Variants in PRKN observed in about 807,000 individuals in gnomAD.
PRKN encodes E3 ubiquitin-protein ligase parkin.
Under a neutral mutation model 59.5 loss-of-function variants are expected in PRKN, and 56 were observed. The observed-to-expected ratio is 0.94, with a 90% CI of 0.76 to 1.18. The LOEUF is 1.18. Among genes scored for constraint, PRKN ranks in the 50% most tolerant of loss-of-function variants. The probability of loss-of-function intolerance (pLI) is 0.00; values close to 1 mark genes in which losing one functional copy is unlikely to be tolerated. For missense variants in PRKN, 657 were observed against 596.4 expected (o/e 1.10, Z -1.06); for synonymous variants, 250 against 222.1 (o/e 1.13, Z -1.12).
chr6:161,950,332 G>A (rs1216988251), intron 6 of PRKN, among the ~76,000 whole-genome samples: 1 of 152,084 alleles, frequency 6.6e-6, no homozygotes, highest in Non-Finnish European at 1.5e-5. Context: ...ATCTCCTGAG[G>A]TCAGGAGTTC....
At chr6:161,814,365 C>A (rs569722575) in intron 6 of PRKN, among the ~76,000 whole-genome samples, 1 of 152,292 alleles carries the variant, frequency 6.6e-6, no homozygotes, top group Admixed American at 6.5e-5. Flanking sequence ...ACAGTGTATT[C>A]GTCCATTCTC....
At chr6:161,646,407 C>T (rs1582941088) in intron 7 of PRKN, among the ~76,000 whole-genome samples, 1 of 107,416 alleles carries the variant, frequency 9.3e-6, no homozygotes, top group African/African-American at 3.5e-5. Flanking sequence ...GAGGAGGTGG[C>T]GTATCAGTGA....
At chr6:162,041,883 C>T (rs1398215305) in intron 5 of PRKN, among the ~76,000 whole-genome samples, 3 of 152,100 alleles carry the variant, frequency 2.0e-5, no homozygotes, top group African/African-American at 4.8e-5. Flanking sequence ...TAGTCCCGTA[C>T]GTGTGGCTGA....
At chr6:162,336,082 T>C (rs9346911) in intron 2 of PRKN, among the ~76,000 whole-genome samples, 24,837 of 151,912 alleles carry the variant, frequency 0.16, 2,240 homozygotes, top group African/African-American at 0.22. Context: ...AATGGAATAG[T>C]TGGGCTCCAT....
intron 1 of PRKN, among the ~76,000 whole-genome samples, chr6:162,706,444 T>C (rs953444465): frequency 1.3e-5 from 2 of 152,248 alleles, no homozygotes; most frequent in African/African-American, 2.4e-5. Context: ...CTTCATCTGC[T>C]ATTTTAGCCT....
intron 1 of PRKN, among the ~76,000 whole-genome samples, chr6:162,596,962 G>A (rs1395446716): frequency 1.3e-5 from 2 of 152,092 alleles, no homozygotes; most frequent in South Asian, 2.1e-4. Flanking sequence ...TACTAGTTCC[G>A]GGTTTCAGAC....
At chr6:162,427,803 G>A (rs748967737) in intron 2 of PRKN, among the ~76,000 whole-genome samples, 9 of 151,958 alleles carry the variant, frequency 5.9e-5, no homozygotes, top group Admixed American at 5.9e-4. Context: ...CCCAGACCAC[G>A]CCCAGCTAAT....
Position 161,518,225 on chromosome 6 carries a change from G to A in PRKN, c.1083+30629C>T, listed in dbSNP as rs1351225805. On this transcript the variant is annotated intron_variant, in intron 9 of 11. Coordinates refer to ENST00000366898, the MANE Select transcript of PRKN (RefSeq NM_004562.3). This position sits in a 1 kb window ranked among gnomAD's most constrained non-coding sequence, Gnocchi z 5.0. ...AGGTGGCAACATAGGTGCATGAGAGGGGGACTGCCCCCACCCTGCATATCT... is the reference window on the plus strand; with the variant it reads ...AGGTGGCAACATAGGTGCATGAGAGAGGGACTGCCCCCACCCTGCATATCT... 6.6e-6 allele frequency among the ~76,000 whole-genome samples: 1 copy of A among 152,222 alleles called. No individual in the cohort carries two copies. Among genetic ancestry groups the A allele is most frequent in the African/African-American group, 2.4e-5 (1 of 41,462 alleles).
At chr6:162,448,196 C>A (rs538266070) in intron 1 of PRKN, among the ~76,000 whole-genome samples, 2 of 152,038 alleles carry the variant, frequency 1.3e-5, no homozygotes, top group Non-Finnish European at 2.9e-5. Flanking sequence ...CGGTTAATTG[C>A]GGCAACACAA....
intron 6 of PRKN, among the ~76,000 whole-genome samples, chr6:161,963,455 C>G (rs1038240266): frequency 1.3e-5 from 2 of 152,232 alleles, no homozygotes; most frequent in African/African-American, 4.8e-5. Flanking sequence ...AGGTCACTGG[C>G]TGACATTAAA....
chr6:161,780,787 A>AGC (rs1170423952), intron 7 of PRKN, among the ~76,000 whole-genome samples: 2 of 152,232 alleles, frequency 1.3e-5, no homozygotes, highest in African/African-American at 2.4e-5. Flanking sequence ...CAAGACATTT[A>AGC]AAAACTAAGC....
At chr6:161,630,142 T>C (rs1299009664) in intron 7 of PRKN, among the ~76,000 whole-genome samples, 1 of 152,186 alleles carries the variant, frequency 6.6e-6, no homozygotes, top group African/African-American at 2.4e-5. Flanking sequence ...TTTTACTGTG[T>C]ACTAGAGTAA....
intron 8 of PRKN, among the ~76,000 whole-genome samples, chr6:161,557,312 C>T (rs992024993): frequency 6.6e-6 from 1 of 152,058 alleles, no homozygotes; most frequent in Non-Finnish European, 1.5e-5. Flanking sequence ...TCAATAAACT[C>T]GTATTTTAAG....
chr6:162,258,083 G>A (rs997382467), intron 3 of PRKN, among the ~76,000 whole-genome samples: 4 of 152,122 alleles, frequency 2.6e-5, no homozygotes, highest in African/African-American at 9.7e-5. Flanking sequence ...GCACACAAAT[G>A]GATGCTCCCT....
intron 3 of PRKN, among the ~76,000 whole-genome samples, chr6:162,204,691 T>C (rs1435509614): frequency 2.7e-5 from 4 of 148,794 alleles, no homozygotes; most frequent in African/African-American, 9.8e-5. Flanking sequence ...AAATAAAGTA[T>C]GTTAATTTTA....
In PRKN at chr6:161,363,642, C is replaced by CA. The variant is rs1412177222; in HGVS notation, c.1168-3438dup. Among the ~76,000 whole-genome samples the CA allele has an allele frequency of 2.6e-5, 4 of 151,950 alleles. No homozygotes were observed. The highest frequency in any genetic ancestry group is 1.9e-4 in the East Asian group (1 of 5,172). ...GAGAAACAGTGTTTGGAGAGAGTGGCAAAAAAACACACAAATTATCTACAA... is the reference window on the plus strand; with the variant it reads ...GAGAAACAGTGTTTGGAGAGAGTGGCAAAAAAAACACACAAATTATCTACAA... On this transcript the variant is annotated intron_variant, in intron 10 of 11. Transcript: ENST00000366898. This position sits in a 1 kb window ranked among gnomAD's most constrained non-coding sequence, Gnocchi z 4.1.
intron 5 of PRKN, among the ~76,000 whole-genome samples, chr6:162,014,989 T>C (rs1582897538): frequency 6.6e-6 from 1 of 152,172 alleles, no homozygotes; most frequent in East Asian, 1.9e-4. Context: ...TATAATATCA[T>C]ATTGTTGAAA....
chr6:162,510,197 T>A (rs144989533), intron 1 of PRKN, among the ~76,000 whole-genome samples: 159 of 152,364 alleles, frequency 1.0e-3, no homozygotes, highest in African/African-American at 3.6e-3. Context: ...CGTTTTTATT[T>A]ACTTAATCCA....
In PRKN at chr6:161,360,025, A is replaced by G. The variant is rs1784912281; in HGVS notation, c.1285+63T>C. 3.1e-5 allele frequency: 38 copies of G among 1,211,574 alleles called. 1 individual carries two copies. In the South Asian group the frequency reaches 4.3e-4, roughly 14 times the overall value. The allele number at this position is 1,211,574 out of a possible 1,614,324, so 75.1% of individuals were successfully genotyped here. A position where few individuals can be genotyped will look rare whatever the true frequency, so the allele number is the denominator to read the frequency against. ...ATCTCCTTTAATCCTGGAATCCCTG[A>G]TGGGTATGATTCTCCCCCAAAGAGC... On this transcript the variant is annotated intron_variant, in intron 11 of 11. Coordinates refer to ENST00000366898, the MANE Select transcript of PRKN (RefSeq NM_004562.3). The surrounding 1 kb of genome is among the most constrained non-coding windows in gnomAD (Gnocchi z 5.1).
Sources: allele counts gnomAD v4.1 joint callset (sites outside exome capture counted in the v4.1 genomes callset), GRCh38; gene constraint gnomAD v4.1.1; non-coding constraint Gnocchi (gnomAD v3.1); transcripts MANE v1.5; gene names NCBI Gene and HGNC (gene_info 2026-07-23, HGNC 2026-07-21).